Variants in SPOCK1 observed in about 807,000 individuals in gnomAD.
The protein encoded by SPOCK1 is testican-1.
SPOCK1 carries 23 observed loss-of-function variants against 55.3 expected under a neutral mutation model. The ratio of observed to expected loss-of-function variants is 0.42; its 90% confidence interval spans 0.30 to 0.59. The LOEUF (loss-of-function observed/expected upper bound fraction) is 0.59, where lower values mean the gene tolerates loss of function less well. Among genes scored for constraint, SPOCK1 ranks in the 20% least tolerant of loss-of-function variants. The pLI is 0.22. For synonymous variants in SPOCK1, 226 were observed against 221.0 expected, an observed-to-expected ratio of 1.02 and a Z score of -0.20; for missense variants, 499 against 552.5, an observed-to-expected ratio of 0.90 and a Z score of 0.97.
At chr5:137,176,406 T>C (rs1284365320) in intron 3 of SPOCK1, among the ~76,000 whole-genome samples, 1 of 152,110 alleles carries the variant, frequency 6.6e-6, no homozygotes, top group Non-Finnish European at 1.5e-5. Context: ...TCCTGGAGGA[T>C]ATTTAGACCT....
intron 2 of SPOCK1, among the ~76,000 whole-genome samples, chr5:137,411,388 G>A (rs1752205832): frequency 6.6e-6 from 1 of 152,156 alleles, no homozygotes; most frequent in Admixed American, 6.5e-5. Flanking sequence ...AAGAAGGGGA[G>A]AGCACCAGTG....
At chr5:137,405,972 G>A (rs1752090312) in intron 2 of SPOCK1, among the ~76,000 whole-genome samples, 4 of 152,222 alleles carry the variant, frequency 2.6e-5, no homozygotes, top group Admixed American at 2.6e-4. Context: ...ACAGAAGACT[G>A]TGGCTGGAAG....
intron 3 of SPOCK1, among the ~76,000 whole-genome samples, chr5:137,175,633 G>A (rs1754839042): frequency 6.6e-6 from 1 of 152,116 alleles, no homozygotes; most frequent in Non-Finnish European, 1.5e-5. Context: ...TAAGTTACTT[G>A]GCTTTACTTG....
At chr5:137,024,808 C>T (rs1022068171) in intron 6 of SPOCK1, among the ~76,000 whole-genome samples, 11 of 152,130 alleles carry the variant, frequency 7.2e-5, no homozygotes, top group African/African-American at 2.7e-4. Flanking sequence ...GACAACACTC[C>T]CATGTTCACT....
chr5:137,156,417 C>T lies in SPOCK1; in HGVS notation c.233-15723G>A, dbSNP rs78559079. 6.8e-3 allele frequency among the ~76,000 whole-genome samples: 1,032 copies of T among 152,236 alleles called. 14 individuals are homozygous for T. The highest frequency in any genetic ancestry group is 0.023 in the African/African-American group (950 of 41,526). The stretch of plus-strand genomic sequence containing the variant: ...AGCAAAATTCCTCATGAGAACACAT[C>T]GCCATAGCAACCCCTCACCTTTTGA... On this transcript the variant is annotated intron_variant, in intron 3 of 10. Coordinates refer to ENST00000394945, the MANE Select transcript of SPOCK1 (RefSeq NM_004598.4).
At chr5:136,999,642 G>C (rs1255557240) in intron 6 of SPOCK1, among the ~76,000 whole-genome samples, 1 of 152,152 alleles carries the variant, frequency 6.6e-6, no homozygotes, top group Non-Finnish European at 1.5e-5. Context: ...GGAAGAAAAG[G>C]AAACAATCAG....
intron 3 of SPOCK1, among the ~76,000 whole-genome samples, chr5:137,149,587 T>C (rs1206407618): frequency 6.6e-6 from 1 of 152,234 alleles, no homozygotes; most frequent in Non-Finnish European, 1.5e-5. Context: ...TCACACAGTC[T>C]ATCTTTTGTA....
intron 2 of SPOCK1, among the ~76,000 whole-genome samples, chr5:137,391,669 G>T (rs138457106): frequency 6.6e-6 from 1 of 151,626 alleles, no homozygotes; most frequent in African/African-American, 2.4e-5. Flanking sequence ...GTCTCTCCCC[G>T]CTCCCCTCCA....
intron 2 of SPOCK1, among the ~76,000 whole-genome samples, chr5:137,418,946 A>C (rs189341066): frequency 9.8e-5 from 15 of 152,320 alleles, no homozygotes; most frequent in African/African-American, 3.4e-4. Flanking sequence ...CTGACATTTA[A>C]GTCTTTAATC....
rs1325136189 is a variant in SPOCK1 at position 136,975,615 on chromosome 5, C to CGTG, written c.*3036_*3038dup. 3.9e-5 allele frequency: 6 copies of CGTG among 152,002 alleles called. No homozygotes were observed. The highest frequency in any genetic ancestry group is 1.5e-4 in the African/African-American group (6 of 41,344). 9.4% of individuals were successfully genotyped at this position (152,002 alleles called of 1,614,324 possible). ...TGGGCTCTTGGATGTTACTGTACAG[C>CGTG]GTGGTCAAGGTAACAAGAAGAAAAA... On this transcript the variant is annotated 3_prime_UTR_variant, in exon 11 of 11. Transcript: ENST00000394945.
At chr5:137,103,059 C>T (rs1280218487) in intron 5 of SPOCK1, among the ~76,000 whole-genome samples, 1 of 152,016 alleles carries the variant, frequency 6.6e-6, no homozygotes, top group Non-Finnish European at 1.5e-5. Context: ...GGTGTGATCT[C>T]CACTCACTGC....
intron 2 of SPOCK1, among the ~76,000 whole-genome samples, chr5:137,350,758 A>C (rs1750659664): frequency 6.6e-6 from 1 of 151,752 alleles, no homozygotes; most frequent in African/African-American, 2.4e-5. Flanking sequence ...AAAGTGTGGG[A>C]GCCCTTCTTC....
chr5:137,408,545 T>C (rs2127187725), intron 2 of SPOCK1, among the ~76,000 whole-genome samples: 2 of 152,306 alleles, frequency 1.3e-5, no homozygotes, highest in African/African-American at 2.4e-5. Flanking sequence ...AGCTTATCTT[T>C]GTCTCTAATC....
rs375107340 is a variant in SPOCK1 at position 137,451,075 on chromosome 5, C to T, written c.186+47298G>A. Among the ~76,000 whole-genome samples the T allele has an allele frequency of 1.9e-4, 29 of 152,262 alleles. No homozygotes were observed. In the East Asian group the frequency reaches 4.8e-3, roughly 25 times the overall value. ...TCTGAAGCCACTGATAATCCCCGCACCTGGCCCAGTCTAGGAACAGACCCA... is the reference window on the plus strand; with the variant it reads ...TCTGAAGCCACTGATAATCCCCGCATCTGGCCCAGTCTAGGAACAGACCCA... On this transcript the variant is annotated intron_variant, in intron 2 of 10. Transcript: ENST00000394945.
At chr5:137,401,248 A>T (rs975277760) in intron 2 of SPOCK1, among the ~76,000 whole-genome samples, 3 of 152,250 alleles carry the variant, frequency 2.0e-5, no homozygotes, top group Non-Finnish European at 2.9e-5. Flanking sequence ...TCTTTCCATC[A>T]TTCCAACAGG....
At chr5:137,335,848 T>C (rs1034683686) in intron 2 of SPOCK1, among the ~76,000 whole-genome samples, 3 of 152,214 alleles carry the variant, frequency 2.0e-5, no homozygotes, top group African/African-American at 7.2e-5. Flanking sequence ...TGACAGGAAC[T>C]GAACTACATT....
At chr5:137,259,841 G>A (rs1290981191) in intron 3 of SPOCK1, among the ~76,000 whole-genome samples, 1 of 152,154 alleles carries the variant, frequency 6.6e-6, no homozygotes, top group Non-Finnish European at 1.5e-5. Flanking sequence ...TCTGTAGGAA[G>A]AGACTTCTTT....
intron 3 of SPOCK1, among the ~76,000 whole-genome samples, chr5:137,193,327 AAGCCTTGGGGAT>A (rs1335270704): frequency 6.6e-6 from 1 of 152,136 alleles, no homozygotes; most frequent in Non-Finnish European, 1.5e-5. Flanking sequence ...AGGTGACCCA[AAGCCTTGGGGAT>A]TGACTGGGAC....
chr5:137,365,041 C>G (rs1751027356), intron 2 of SPOCK1: 1 of 152,354 alleles, frequency 6.6e-6, no homozygotes, highest in South Asian at 2.1e-4. Flanking sequence ...AGCATAGGTG[C>G]TGGCACACAA....
Sources: allele counts gnomAD v4.1 joint callset (sites outside exome capture counted in the v4.1 genomes callset), GRCh38; gene constraint gnomAD v4.1.1; transcripts MANE v1.5; gene names NCBI Gene and HGNC (gene_info 2026-07-23, HGNC 2026-07-21).